DLG5: variants seen among roughly 807,000 people sequenced by gnomAD.
DLG5 encodes the protein discs large MAGUK scaffold protein 5.
Under a neutral mutation model 189.8 loss-of-function variants are expected in DLG5, and 48 were observed. The observed-to-expected ratio is 0.25, with a 90% confidence interval of 0.20 to 0.32. The LOEUF (loss-of-function observed/expected upper bound fraction) is 0.32. Ranked by LOEUF, DLG5 falls within the 10% of genes least tolerant of loss-of-function variation. The probability of loss-of-function intolerance (pLI) is 1.00; values close to 1 mark genes in which losing one functional copy is unlikely to be tolerated. For missense variants in DLG5, 2,160 were observed against 2,544.7 expected (o/e 0.85, Z 3.25); for synonymous variants, 1,016 against 1,054.1 (o/e 0.96, Z 0.70).
At chr10:77,893,581 G>A (rs1028185184) in intron 1 of DLG5, among the ~76,000 whole-genome samples, 1 of 152,244 alleles carries the variant, frequency 6.6e-6, no homozygotes, top group Non-Finnish European at 1.5e-5. Context: ...GTGTATCAAT[G>A]GGCAGCAGTG....
chr10:77,802,914 T>C (rs1302943066), intron 27 of DLG5, among the ~76,000 whole-genome samples: 1 of 151,840 alleles, frequency 6.6e-6, no homozygotes, highest in Non-Finnish European at 1.5e-5. Flanking sequence ...AATAAAATAA[T>C]AAAAAAATAA....
intron 27 of DLG5, among the ~76,000 whole-genome samples, chr10:77,799,849 G>A (rs747180094): frequency 5.9e-5 from 9 of 152,118 alleles, no homozygotes; most frequent in Non-Finnish European, 1.0e-4. Context: ...GGCCTCAAGC[G>A]ATCCTCTTGC....
chr10:77,799,876 G>T (rs374261669), intron 27 of DLG5, among the ~76,000 whole-genome samples: 14 of 152,296 alleles, frequency 9.2e-5, no homozygotes, highest in African/African-American at 3.4e-4. Context: ...TTCCCAAAGT[G>T]CTGGGATTAC....
intron 1 of DLG5, among the ~76,000 whole-genome samples, chr10:77,896,790 G>A (rs753554879): frequency 2.0e-5 from 3 of 151,866 alleles, no homozygotes; most frequent in African/African-American, 7.3e-5. Flanking sequence ...TTGCACTCCA[G>A]CCTGGGCCAC....
At chr10:77,931,289 T>C (rs892225540), upstream of DLG5, among the ~76,000 whole-genome samples, 5 of 152,110 alleles carry the variant, frequency 3.3e-5, no homozygotes, top group Admixed American at 3.3e-4. Context: ...ATTCTTACTC[T>C]GTCTCCCAGG....
rs557417627 is a variant in DLG5, at chr10:77,906,750, G to A, written c.304+19467C>T. On this transcript the variant is annotated intron_variant, in intron 1 of 31. Coordinates refer to ENST00000372391, the MANE Select transcript of DLG5 (RefSeq NM_004747.4). ...AGCGACTCTCCTATCTCAGCCTCCC[G>A]AGCAGCTGGAAGTACAGGCACGTAC... Among the ~76,000 whole-genome samples the A allele has an allele frequency of 4.0e-5, 6 of 148,450 alleles. No homozygotes were observed. In the East Asian group the frequency reaches 1.0e-3, roughly 26 times the overall value.
At chr10:77,824,299 G>C (rs111360720) in intron 14 of DLG5, 85 bp downstream of exon 14, 3 of 1,016,404 alleles carry the variant, frequency 3.0e-6, no homozygotes, top group African/African-American at 3.2e-5. Flanking sequence ...AGGATCCTGT[G>C]ACCCCAAGGA....
chr10:77,876,373 CTTTTTT>C (rs60644218), intron 1 of DLG5, among the ~76,000 whole-genome samples: 2,559 of 134,904 alleles, frequency 0.019, 71 homozygotes, highest in African/African-American at 0.065. Flanking sequence ...CCCCATCTCT[CTTTTTT>C]TTTTTTTTTT....
chr10:77,933,582 C>T, the DLG5 span, among the ~76,000 whole-genome samples: 318 of 152,146 alleles, frequency 2.1e-3, 1 homozygote, highest in African/African-American at 7.1e-3. Context: ...GGGTGAGCCA[C>T]GGTGCCCGGC....
chr10:77,860,295 T>C (rs961223706), intron 2 of DLG5, among the ~76,000 whole-genome samples: 5 of 152,146 alleles, frequency 3.3e-5, no homozygotes, highest in Admixed American at 6.6e-5. Context: ...TTGGGTTTTT[T>C]TGGTTGGTTT....
chr10:77,849,446 AG>A (rs2154576552), intron 5 of DLG5, among the ~76,000 whole-genome samples: 1 of 152,338 alleles, frequency 6.6e-6, no homozygotes, highest in South Asian at 2.1e-4. Flanking sequence ...GATGAAGGCA[AG>A]GGGGCCCAGG....
At chr10:77,840,906 A>G (rs1237264145) in intron 7 of DLG5, among the ~76,000 whole-genome samples, 2 of 152,126 alleles carry the variant, frequency 1.3e-5, no homozygotes, top group African/African-American at 2.4e-5. Flanking sequence ...CCTGCCTCAC[A>G]CTTGGTACAG....
At position 77,813,128 on chromosome 10, in the gene DLG5, G is replaced by A. The variant is rs571016911; in HGVS notation, c.4026-751C>T. ...AGGAGAAAGACAATCAGAGACACCTGGAACATAACAGAAAAGACAGTCAAG... is the reference window on the plus strand; with the variant it reads ...AGGAGAAAGACAATCAGAGACACCTAGAACATAACAGAAAAGACAGTCAAG... On this transcript the variant is annotated intron_variant, in intron 20 of 31. Coordinates refer to ENST00000372391, the MANE Select transcript of DLG5 (RefSeq NM_004747.4). Among the ~76,000 whole-genome samples, 30 of 152,348 alleles carry A rather than the reference G, an allele frequency of 2.0e-4. 1 individual carries two copies. The South Asian group carries it at 6.0e-3, about 31-fold the overall frequency.
chr10:77,931,553 A>T (rs1846786372), upstream of DLG5, among the ~76,000 whole-genome samples: 1 of 151,780 alleles, frequency 6.6e-6, no homozygotes, highest in African/African-American at 2.4e-5. Context: ...CCCCACCTAT[A>T]ATCAGGCTTC....
At chr10:77,836,467 T>C (rs1843141131) in intron 7 of DLG5, among the ~76,000 whole-genome samples, 1 of 152,136 alleles carries the variant, frequency 6.6e-6, no homozygotes, top group Non-Finnish European at 1.5e-5. Flanking sequence ...GAGGCGCTGA[T>C]GACACTGGTG....
At chr10:77,882,288 C>G (rs532667696) in intron 1 of DLG5, among the ~76,000 whole-genome samples, 2 of 152,328 alleles carry the variant, frequency 1.3e-5, no homozygotes, top group East Asian at 1.9e-4. Context: ...GGAGCAAATA[C>G]TTTTTCTGAG....
chr10:77,801,992 G>A (rs897531105), intron 27 of DLG5, among the ~76,000 whole-genome samples: 1 of 152,218 alleles, frequency 6.6e-6, no homozygotes, highest in Non-Finnish European at 1.5e-5. Context: ...CGTGGAGGAC[G>A]AGGTGACGTG....
At chr10:77,793,232 C>T (rs1027234299) in intron 31 of DLG5, 1 of 152,564 alleles carries the variant, frequency 6.6e-6, no homozygotes, top group Non-Finnish European at 1.5e-5. Flanking sequence ...GGCTAAATAC[C>T]AGTCTGTGAG....
intron 20 of DLG5, 74 bp downstream of exon 20, chr10:77,816,477 A>T: frequency 6.2e-7 from 1 of 1,606,272 alleles, no homozygotes; most frequent in Non-Finnish European, 8.5e-7. Flanking sequence ...CCTTCCCTGC[A>T]GAGCCCAGGC....
Sources: allele counts gnomAD v4.1 joint callset (sites outside exome capture counted in the v4.1 genomes callset), GRCh38; gene constraint gnomAD v4.1.1; transcripts MANE v1.5; gene names NCBI Gene and HGNC (gene_info 2026-07-23, HGNC 2026-07-21).